Variants in NPAS3 observed in about 807,000 individuals in gnomAD.
NPAS3 encodes neuronal PAS domain protein 3, also known as neuronal PAS domain-containing protein 3.
In NPAS3, 14 loss-of-function variants were observed where a neutral mutation model predicts 73.1. The ratio of observed to expected loss-of-function variants is 0.19; its 90% confidence interval spans 0.13 to 0.30. NPAS3 has a LOEUF of 0.30. Among genes scored for constraint, NPAS3 ranks in the 10% least tolerant of loss-of-function variants. The pLI is 1.00. For synonymous variants in NPAS3, 620 were observed against 541.5 expected (o/e 1.14, Z -2.01); for missense variants, 1,096 against 1,250.0 (o/e 0.88, Z 1.86).
At chr14:33,712,099 A>G (rs779476951) in intron 6 of NPAS3, among the ~76,000 whole-genome samples, 1 of 152,052 alleles carries the variant, frequency 6.6e-6, no homozygotes, top group South Asian at 2.1e-4. Context: ...GCAAATAAGC[A>G]CTCCAAGTAC....
chr14:33,402,660 C>T (rs2047495719), intron 4 of NPAS3, among the ~76,000 whole-genome samples: 1 of 152,152 alleles, frequency 6.6e-6, no homozygotes, highest in Non-Finnish European at 1.5e-5. Context: ...TCCAACTCCA[C>T]CACCCTCAGG....
rs17556498 is a variant in NPAS3, at chr14:33,216,219, G to A, written c.385+793G>A. 4.0e-3 allele frequency among the ~76,000 whole-genome samples: 603 copies of A among 152,232 alleles called. 6 individuals are homozygous for A. Among genetic ancestry groups the A allele is most frequent in the Non-Finnish European group, 7.1e-3 (486 of 68,012 alleles). Reference sequence around the variant, plus strand: ...TCTGCTAGGTTCTTATGTTCAAATCGTGTATCTAGACACTTTATAGCATGA... The same window carrying A: ...TCTGCTAGGTTCTTATGTTCAAATCATGTATCTAGACACTTTATAGCATGA... On this transcript the variant is annotated intron_variant, in intron 3 of 11. Transcript: ENST00000356141.
intron 5 of NPAS3, among the ~76,000 whole-genome samples, chr14:33,616,614 G>A (rs1414371727): frequency 6.6e-6 from 1 of 152,172 alleles, no homozygotes; most frequent in Admixed American, 6.5e-5. Context: ...AGTGAGGAGA[G>A]TGATCCTGTG....
intron 5 of NPAS3, among the ~76,000 whole-genome samples, chr14:33,595,765 G>C (rs1440849579): frequency 1.3e-5 from 2 of 152,102 alleles, no homozygotes; most frequent in African/African-American, 4.8e-5. Context: ...CCGCCGCCCG[G>C]GTTCACGCCA....
At chr14:33,776,066 CTCT>C (rs1412952605) in intron 8 of NPAS3, among the ~76,000 whole-genome samples, 1 of 152,166 alleles carries the variant, frequency 6.6e-6, no homozygotes, top group African/African-American at 2.4e-5. Context: ...CTCCTGGAGT[CTCT>C]TCTTTTTCTT....
intron 4 of NPAS3, among the ~76,000 whole-genome samples, chr14:33,544,903 G>A (rs984427068): frequency 2.8e-5 from 4 of 144,234 alleles, no homozygotes; most frequent in Non-Finnish European, 4.5e-5. Flanking sequence ...TGTGGTATGT[G>A]TATATAGATC....
At chr14:33,315,469 A>C (rs1330192192) in intron 3 of NPAS3, among the ~76,000 whole-genome samples, 2 of 150,908 alleles carry the variant, frequency 1.3e-5, no homozygotes, top group African/African-American at 2.4e-5. Flanking sequence ...TGTGTGCGCC[A>C]AGGGAGGACG....
At chr14:33,784,970 G>C (rs1232300739) in intron 9 of NPAS3, among the ~76,000 whole-genome samples, 1 of 150,784 alleles carries the variant, frequency 6.6e-6, no homozygotes, top group Non-Finnish European at 1.5e-5. Context: ...GGCTGGTCTC[G>C]AGCTCCCAAC....
intron 2 of NPAS3, among the ~76,000 whole-genome samples, chr14:33,207,236 C>T (rs1053443271): frequency 2.0e-4 from 4 of 19,524 alleles, no homozygotes; most frequent in African/African-American, 3.9e-4. Flanking sequence ...AAGAACATTA[C>T]ACACACACAC....
intron 3 of NPAS3, among the ~76,000 whole-genome samples, chr14:33,352,789 A>G (rs2045131999): frequency 6.6e-6 from 1 of 152,224 alleles, no homozygotes; most frequent in South Asian, 2.1e-4. Flanking sequence ...TAAAACCAGT[A>G]TGAGAGGGGA....
chr14:33,781,559 T>C (rs892180031), intron 9 of NPAS3, among the ~76,000 whole-genome samples: 2 of 152,226 alleles, frequency 1.3e-5, no homozygotes, highest in African/African-American at 4.8e-5. Flanking sequence ...GAGAAGGTCA[T>C]GGCGACATAG....
At chr14:33,013,524 C>G (rs1230040295) in intron 1 of NPAS3, among the ~76,000 whole-genome samples, 1 of 152,054 alleles carries the variant, frequency 6.6e-6, no homozygotes, top group Non-Finnish European at 1.5e-5. Context: ...AAGACAAAAA[C>G]CTGTGACCTC....
intron 11 of NPAS3, 75 bp from the exon 12 acceptor site, chr14:33,799,659 G>A: frequency 1.3e-6 from 2 of 1,510,310 alleles, no homozygotes; most frequent in Non-Finnish European, 1.8e-6. Flanking sequence ...GACAGGCTGG[G>A]TCGCCCCGCT....
chr14:33,519,843 T>C (rs1340500001), intron 4 of NPAS3, among the ~76,000 whole-genome samples: 1 of 152,092 alleles, frequency 6.6e-6, no homozygotes, highest in Non-Finnish European at 1.5e-5. Context: ...TTTTCTCCAC[T>C]GAGAGACCCA....
At chr14:33,284,357 C>T (rs1055855139) in intron 3 of NPAS3, among the ~76,000 whole-genome samples, 9 of 152,036 alleles carry the variant, frequency 5.9e-5, no homozygotes, top group Non-Finnish European at 1.0e-4. Flanking sequence ...CTTAACTCTG[C>T]ATAATTTCTG....
intron 1 of NPAS3, among the ~76,000 whole-genome samples, chr14:32,942,057 G>A (rs1387569097): frequency 6.6e-6 from 1 of 152,136 alleles, no homozygotes; most frequent in African/African-American, 2.4e-5. Flanking sequence ...TGCACATTGT[G>A]CCTAGAACTT....
At chr14:33,794,073 G>A (rs754719180) in intron 10 of NPAS3, 29 bp downstream of exon 10, 2 of 1,590,712 alleles carry the variant, frequency 1.3e-6, no homozygotes, top group South Asian at 1.1e-5. Flanking sequence ...TTCTATTTCT[G>A]TCCTGGTTAT....
intron 5 of NPAS3, among the ~76,000 whole-genome samples, chr14:33,664,901 C>T (rs767577412): frequency 2.2e-4 from 33 of 152,154 alleles, no homozygotes; most frequent in Non-Finnish European, 1.5e-4. Flanking sequence ...GCTTTTACAC[C>T]GTTGGTGGGA....
chr14:33,551,109 T>C (rs2055091630), intron 4 of NPAS3, among the ~76,000 whole-genome samples: 2 of 152,236 alleles, frequency 1.3e-5, no homozygotes, highest in African/African-American at 2.4e-5. Context: ...CTATGAATTA[T>C]CCCCAACCAG....
Sources: gnomAD v4.1 joint callset for allele counts (sites outside exome capture counted in the v4.1 genomes callset) on GRCh38, gnomAD v4.1.1 for gene constraint, MANE v1.5 for transcripts, NCBI Gene and HGNC (gene_info 2026-07-23, HGNC 2026-07-21) for gene names.